PCCA: variants seen among roughly 807,000 people sequenced by gnomAD.
The protein encoded by PCCA is propionyl-CoA carboxylase subunit alpha, also known as propionyl-CoA carboxylase alpha chain, mitochondrial.
Under a neutral mutation model 101.3 loss-of-function variants are expected in PCCA, and 74 were observed. The observed-to-expected ratio is 0.73, with a 90% CI of 0.61 to 0.89. The LOEUF (loss-of-function observed/expected upper bound fraction) is 0.89, where lower values mean the gene tolerates loss of function less well. Ranked by LOEUF, PCCA falls within the 40% of genes least tolerant of loss-of-function variation. The pLI, the probability that PCCA is intolerant of heterozygous loss-of-function variation, is 0.00. For synonymous variants in PCCA, 294 were observed against 313.6 expected (o/e 0.94, Z 0.66); for missense variants, 891 against 907.0 (o/e 0.98, Z 0.23).
At chr13:100,478,226 C>T (rs1205178165) in intron 21 of PCCA, among the ~76,000 whole-genome samples, 1 of 152,158 alleles carries the variant, frequency 6.6e-6, no homozygotes, top group Non-Finnish European at 1.5e-5. Flanking sequence ...GTCTTGTCTC[C>T]TCCAGAGAAA....
chr13:100,524,069 A>C (rs2087523539), intron 22 of PCCA, among the ~76,000 whole-genome samples: 1 of 152,140 alleles, frequency 6.6e-6, no homozygotes, highest in African/African-American at 2.4e-5. Context: ...GGTGTACCCT[A>C]CATGTACTCT....
At chr13:100,390,419 C>T (rs758915213) in intron 19 of PCCA, among the ~76,000 whole-genome samples, 2 of 151,926 alleles carry the variant, frequency 1.3e-5, no homozygotes, top group African/African-American at 2.4e-5. Context: ...GTTCTGTGGC[C>T]CAGGAGAGAG....
chr13:100,092,679 G>A (rs2046392421), intron 1 of PCCA, among the ~76,000 whole-genome samples: 1 of 152,154 alleles, frequency 6.6e-6, no homozygotes, highest in South Asian at 2.1e-4. Context: ...TGTCTCATTT[G>A]AATCATGGTC....
intron 12 of PCCA, among the ~76,000 whole-genome samples, chr13:100,285,224 TC>T (rs2152638586): frequency 6.6e-6 from 1 of 152,298 alleles, no homozygotes; most frequent in African/African-American, 2.4e-5. Context: ...GCCAGGCCAC[TC>T]TGTACGCTAA....
intron 9 of PCCA, among the ~76,000 whole-genome samples, chr13:100,261,935 G>A (rs902384352): frequency 2.0e-5 from 3 of 152,088 alleles, no homozygotes; most frequent in Non-Finnish European, 4.4e-5. Flanking sequence ...ATTTGCTGTA[G>A]TTCCACTCCA....
intron 18 of PCCA, among the ~76,000 whole-genome samples, chr13:100,351,651 G>A (rs767493738): frequency 6.6e-6 from 1 of 152,170 alleles, no homozygotes; most frequent in Non-Finnish European, 1.5e-5. Context: ...TAGGAGACCA[G>A]TGTGGGCATT....
intron 20 of PCCA, 41 bp from the exon 21 acceptor site, chr13:100,449,211 G>A: frequency 7.9e-7 from 1 of 1,266,034 alleles, no homozygotes. Context: ...TACAAGCTGT[G>A]CAGATATGAG....
chr13:100,463,559 G>T (rs1490792985), intron 21 of PCCA, among the ~76,000 whole-genome samples: 1 of 152,108 alleles, frequency 6.6e-6, no homozygotes, highest in Non-Finnish European at 1.5e-5. Context: ...CTATTAAAAA[G>T]ATGGATTTAA....
At chr13:100,241,722 C>T (rs909490933) in intron 8 of PCCA, among the ~76,000 whole-genome samples, 2 of 152,152 alleles carry the variant, frequency 1.3e-5, no homozygotes, top group Admixed American at 6.5e-5. Flanking sequence ...ACATTGGCCT[C>T]CCAGAGTGCT....
At position 100,373,941 on chromosome 13, in the gene PCCA, G is replaced by A. The variant is rs373414384; in HGVS notation, c.1746+5367G>A. 1.2e-3 allele frequency among the ~76,000 whole-genome samples: 179 copies of A among 151,936 alleles called. 4 individuals carry two copies. In the South Asian group the frequency reaches 0.03, roughly 25 times the overall value. On this transcript the variant is annotated intron_variant, in intron 19 of 23. Transcript: ENST00000376285. ...AGCCTGGCCAACATAGTGAAACCCC[G>A]TCTCTACTAAAAATACAAAAATTAG...
chr13:100,197,618 A>G (rs189151340), intron 6 of PCCA, among the ~76,000 whole-genome samples: 2 of 152,056 alleles, frequency 1.3e-5, no homozygotes, highest in Admixed American at 1.3e-4. Flanking sequence ...TAATTTTTGT[A>G]GTTTTAGTAG....
At chr13:100,475,360 C>T (rs760856019) in intron 21 of PCCA, among the ~76,000 whole-genome samples, 1 of 152,194 alleles carries the variant, frequency 6.6e-6, no homozygotes, top group African/African-American at 2.4e-5. Flanking sequence ...AGCCACTGAT[C>T]TACTTTCTGT....
intron 16 of PCCA, among the ~76,000 whole-genome samples, chr13:100,316,933 C>G (rs1478571007): frequency 6.6e-6 from 1 of 151,916 alleles, no homozygotes; most frequent in South Asian, 2.1e-4. Flanking sequence ...GCCACCACAC[C>G]TAGCTAATTT....
chr13:100,282,292 T>G (rs1037673707), intron 12 of PCCA, among the ~76,000 whole-genome samples: 1 of 152,250 alleles, frequency 6.6e-6, no homozygotes, highest in African/African-American at 2.4e-5. Flanking sequence ...CTGGCAGTCC[T>G]CAGAGCCCTC....
intron 7 of PCCA, among the ~76,000 whole-genome samples, chr13:100,218,059 A>C (rs1057156903): frequency 6.7e-6 from 1 of 149,202 alleles, no homozygotes; most frequent in Non-Finnish European, 1.5e-5. Flanking sequence ...TGGGCAACAG[A>C]GTAAGACTCT....
At position 100,273,305 on chromosome 13, in the gene PCCA, A is replaced by G; in HGVS notation, c.1024A>G (p.Lys342Glu). ...GACCGTGGAGTTCCTTGTGGACTCT[A>G]AGAAGAATTTTTATTTCTTGGAAAT... Reference protein sequence around the residue: ...AGTVEFLVDSKKNFYFLEMNT... With the variant: ...AGTVEFLVDSEKNFYFLEMNT... Residue 342 changes from lysine (K) to glutamate (E), a missense_variant, in exon 12 of 24, where the codon AAG becomes GAG. Transcript: ENST00000376285. 6.2e-7 allele frequency: 1 copy of G among 1,613,056 alleles called. No individual in the cohort carries two copies. Among genetic ancestry groups the G allele is most frequent in the Admixed American group, 1.7e-5 (1 of 60,024 alleles).
chr13:100,294,047 G>A (rs1262167074), intron 12 of PCCA, among the ~76,000 whole-genome samples: 1 of 152,178 alleles, frequency 6.6e-6, no homozygotes, highest in African/African-American at 2.4e-5. Flanking sequence ...TTTTCTCAAA[G>A]TTCTGGAGGC....
intron 20 of PCCA, among the ~76,000 whole-genome samples, chr13:100,427,753 G>C (rs2079253016): frequency 6.6e-6 from 1 of 151,714 alleles, no homozygotes; most frequent in African/African-American, 2.4e-5. Context: ...AAAAGGTAAG[G>C]AGAGTTTTTC....
intron 19 of PCCA, among the ~76,000 whole-genome samples, chr13:100,402,061 T>C (rs2077399419): frequency 6.6e-6 from 1 of 152,110 alleles, no homozygotes; most frequent in Non-Finnish European, 1.5e-5. Flanking sequence ...CCTTGTAGAT[T>C]TTGTATTGTA....
Sources: gnomAD v4.1 joint callset for allele counts (sites outside exome capture counted in the v4.1 genomes callset) on GRCh38, gnomAD v4.1.1 for gene constraint, MANE v1.5 for transcripts, NCBI Gene and HGNC (gene_info 2026-07-23, HGNC 2026-07-21) for gene names.